HIVEP1: variants seen among roughly 807,000 people sequenced by gnomAD.
HIVEP1 encodes HIVEP zinc finger 1.
In HIVEP1, 36 loss-of-function variants were observed where a neutral mutation model predicts 180.0. That is an observed-to-expected ratio of 0.20 (90% CI 0.15 to 0.26). HIVEP1 has a LOEUF of 0.26. HIVEP1 is among the 10% of genes least tolerant of loss of function. The pLI, the probability that HIVEP1 is intolerant of heterozygous loss-of-function variation, is 1.00. For missense variants in HIVEP1, 3,143 were observed against 3,268.7 expected (o/e 0.96, Z 0.94); for synonymous variants, 1,239 against 1,239.0 (o/e 1.00, Z 0.00).
chr6:12,186,103 TCA>T, the HIVEP1 span, among the ~76,000 whole-genome samples: 156 of 152,058 alleles, frequency 1.0e-3, 1 homozygote, highest in African/African-American at 3.6e-3. Context: ...AATTGTAAAC[TCA>T]GTTATTTATA....
At chr6:12,015,466 TAA>T (rs1274961112) in intron 1 of HIVEP1, 58 bp from the exon 2 acceptor site, 1 of 611,370 alleles carries the variant, frequency 1.6e-6, no homozygotes. Flanking sequence ...CAGTAACTTT[TAA>T]AGTATCTTTC....
intron 2 of HIVEP1, among the ~76,000 whole-genome samples, chr6:12,064,743 G>A (rs1176256749): frequency 3.3e-5 from 5 of 152,008 alleles, no homozygotes; most frequent in African/African-American, 9.7e-5. Context: ...CCCTCCCCAC[G>A]CCGTACACAC....
Position 12,113,078 on chromosome 6 carries a change from C to T in HIVEP1, c.95-6812C>T, listed in dbSNP as rs1327898360. 4.6e-5 allele frequency among the ~76,000 whole-genome samples: 7 copies of T among 151,904 alleles called. No homozygotes were observed. The South Asian group carries it at 6.2e-4, about 14-fold the overall frequency. ...CACGCTTGGGGCACTTCTCTGGCCT[C>T]GTCCTGCCCCTCATGTGAGCACCTG... On this transcript the variant is annotated intron_variant, in intron 3 of 8. Coordinates refer to ENST00000379388, the MANE Select transcript of HIVEP1 (RefSeq NM_002114.4).
chr6:12,188,235 T>G, the HIVEP1 span, among the ~76,000 whole-genome samples: 35,836 of 152,146 alleles, frequency 0.24, 4,644 homozygotes, highest in East Asian at 0.51. Context: ...TGCAATGATA[T>G]CTCCATATTA....
In HIVEP1 at chr6:12,164,444, C is replaced by T. The variant is rs1342372417; in HGVS notation, c.8140C>T (p.Leu2714Phe). The T allele has an allele frequency of 1.3e-6, 2 of 1,595,440 alleles. No individual in the cohort carries two copies. The highest frequency in any genetic ancestry group is 2.3e-5 in the South Asian group (2 of 87,856). The change falls in exon 9 of 9, where the codon CTT becomes TTT. Residue 2714 changes from leucine to phenylalanine, a missense_variant. By Grantham distance (22) the Leu-to-Phe change is conservative (BLOSUM62 0). Coordinates refer to ENST00000379388, the MANE Select transcript of HIVEP1 (RefSeq NM_002114.4). ...DVSSDDDEDR[L>F]VIAT ...GAGCAGCGATGATGACGAGGACAGG[C>T]TTGTGATAGCAACCTGATGGATTTT...
chr6:12,080,755 A>G (rs1323384860), intron 2 of HIVEP1, among the ~76,000 whole-genome samples: 5 of 152,166 alleles, frequency 3.3e-5, no homozygotes, highest in Admixed American at 1.3e-4. Flanking sequence ...CAGACCATAA[A>G]AGTGTAGCAA....
At chr6:12,165,901 G>T (rs1021547736), downstream of HIVEP1, among the ~76,000 whole-genome samples, 1 of 152,138 alleles carries the variant, frequency 6.6e-6, no homozygotes, top group African/African-American at 2.4e-5. Flanking sequence ...TTCAACTTGC[G>T]TATCCTTATC....
At chr6:12,177,133 G>A in the HIVEP1 span, among the ~76,000 whole-genome samples, 1 of 152,130 alleles carries the variant, frequency 6.6e-6, no homozygotes, top group Non-Finnish European at 1.5e-5. Flanking sequence ...TGGACACAAA[G>A]AAGAGAACAG....
intron 2 of HIVEP1, chr6:12,037,748 T>G (rs753746930): frequency 2.1e-5 from 9 of 430,208 alleles, no homozygotes; most frequent in African/African-American, 6.1e-5. Context: ...TTGCTCAGGC[T>G]GGAGTGCAGT....
chr6:12,126,601 G>A (rs1758084053), intron 4 of HIVEP1, among the ~76,000 whole-genome samples: 1 of 152,168 alleles, frequency 6.6e-6, no homozygotes, highest in African/African-American at 2.4e-5. Flanking sequence ...GTTCGACTCT[G>A]CATATTCAGA....
At chr6:12,146,831 G>A (rs114069297) in intron 7 of HIVEP1, among the ~76,000 whole-genome samples, 1,597 of 151,158 alleles carry the variant, frequency 0.011, 28 homozygotes, top group African/African-American at 0.037. Context: ...AATTACTATC[G>A]CCCAGGAGCT....
the HIVEP1 span, among the ~76,000 whole-genome samples, chr6:12,208,967 C>G: frequency 3.9e-5 from 6 of 152,210 alleles, no homozygotes; most frequent in Admixed American, 6.5e-5. Context: ...CTACTTCTTG[C>G]CTGTTTTCCC....
intron 1 of HIVEP1, 61 bp downstream of exon 1, chr6:12,012,627 G>C (rs976035060): frequency 5.4e-5 from 8 of 149,194 alleles, no homozygotes; most frequent in South Asian, 4.2e-4. Context: ...GGCGGAGGGG[G>C]GGGGGGGCAG....
chr6:12,124,710 C>G lies in HIVEP1; in HGVS notation c.4915C>G (p.Arg1639Gly), dbSNP rs757615389. The change falls in exon 4 of 9, where the codon CGC (arginine) becomes GGC (glycine). Residue 1639 changes from arginine to glycine, a missense_variant. Arg to Gly is a moderately radical substitution (Grantham distance 125, BLOSUM62 -2). This residue lies in a region of HIVEP1 where 1,357 missense variants were observed against 1,260.5 expected (regional missense o/e 1.08). Coordinates refer to ENST00000379388, the MANE Select transcript of HIVEP1 (RefSeq NM_002114.4). Reference sequence around the variant, plus strand: ...GCCATCATCATTCATGCTGCCCATACGCCTGCAGAGTAGTGTTCCTGCTTA... The same window carrying G: ...GCCATCATCATTCATGCTGCCCATAGGCCTGCAGAGTAGTGTTCCTGCTTA... ...KVPSSFMLPI[R>G]LQSSVPAYCF... 1.3e-5 allele frequency: 21 copies of G among 1,614,014 alleles called. No homozygotes were observed. Among genetic ancestry groups the G allele is most frequent in the Non-Finnish European group, 1.7e-5 (20 of 1,180,008 alleles).
At chr6:12,020,890 C>CTTTTTTTT (rs70981658) in intron 2 of HIVEP1, among the ~76,000 whole-genome samples, 1,358 of 105,652 alleles carry the variant, frequency 0.013, 10 homozygotes, top group Non-Finnish European at 0.019. Context: ...TTCTTTCTTT[C>CTTTTTTTT]TTTTTTTTTT....
chr6:12,210,710 A>G, the HIVEP1 span, among the ~76,000 whole-genome samples: 2 of 152,196 alleles, frequency 1.3e-5, no homozygotes, highest in African/African-American at 4.8e-5. Flanking sequence ...TAAATTAAAC[A>G]CAACTGCCAG....
At chr6:12,112,909 G>A (rs973265895) in intron 3 of HIVEP1, among the ~76,000 whole-genome samples, 9 of 152,138 alleles carry the variant, frequency 5.9e-5, no homozygotes, top group African/African-American at 2.2e-4. Flanking sequence ...GTCCTCCTCT[G>A]TTCTTCTCCC....
intron 3 of HIVEP1, among the ~76,000 whole-genome samples, chr6:12,097,600 A>G (rs547779711): frequency 6.6e-6 from 1 of 152,146 alleles, no homozygotes; most frequent in Non-Finnish European, 1.5e-5. Context: ...TGTAATAGAC[A>G]GTGAATGCTG....
chr6:12,184,670 T>C, the HIVEP1 span, among the ~76,000 whole-genome samples: 3 of 152,216 alleles, frequency 2.0e-5, no homozygotes, highest in African/African-American at 7.2e-5. Flanking sequence ...ATGGAATTTC[T>C]TAGAATGCAT....
Sources: allele counts gnomAD v4.1 joint callset (sites outside exome capture counted in the v4.1 genomes callset), GRCh38; gene constraint gnomAD v4.1.1; regional missense constraint gnomAD v4.1.1; transcripts MANE v1.5; gene names NCBI Gene and HGNC (gene_info 2026-07-23, HGNC 2026-07-21).